EXOC6B: variants seen among roughly 807,000 people sequenced by gnomAD.
EXOC6B encodes the protein exocyst complex component 6B, also known as SEC15 homolog B.
EXOC6B carries 54 observed loss-of-function variants against 113.5 expected under a neutral mutation model. The ratio of observed to expected loss-of-function variants is 0.48; its 90% CI spans 0.38 to 0.60. The LOEUF (loss-of-function observed/expected upper bound fraction) is 0.60. EXOC6B is among the 20% of genes least tolerant of loss of function. EXOC6B has a pLI of 0.00. For missense variants in EXOC6B, 797 were observed against 977.5 expected (o/e 0.82, Z 2.46); for synonymous variants, 357 against 339.0 (o/e 1.05, Z -0.58).
chr2:72,798,447 T>C (rs1685097338), intron 1 of EXOC6B, among the ~76,000 whole-genome samples: 1 of 152,044 alleles, frequency 6.6e-6, no homozygotes, highest in African/African-American at 2.4e-5. Context: ...AATAGCACCA[T>C]GCGAGACATT....
At position 72,796,833 on chromosome 2, in the gene EXOC6B, C is replaced by A. The variant is rs973014937; in HGVS notation, c.113+28965G>T. Reference sequence around the variant, plus strand: ...CACTCATTTCCACTGCTAGAGGAGACAGCTAGCTCAATCTGCAACCAGAGG... The same window carrying A: ...CACTCATTTCCACTGCTAGAGGAGAAAGCTAGCTCAATCTGCAACCAGAGG... On this transcript the variant is annotated intron_variant, in intron 1 of 21. Transcript: ENST00000272427. Among the ~76,000 whole-genome samples the A allele has an allele frequency of 3.5e-4, 53 of 152,208 alleles. 1 individual carries two copies. Among genetic ancestry groups the A allele is most frequent in the African/African-American group, 1.2e-3 (51 of 41,448 alleles).
chr2:72,746,815 C>T (rs1681727562), intron 1 of EXOC6B, among the ~76,000 whole-genome samples: 1 of 151,984 alleles, frequency 6.6e-6, no homozygotes, highest in Non-Finnish European at 1.5e-5. Flanking sequence ...CTCTCTACTG[C>T]ATCAGTCTAT....
intron 6 of EXOC6B, among the ~76,000 whole-genome samples, chr2:72,715,770 T>G (rs1679573582): frequency 6.6e-6 from 1 of 152,172 alleles, no homozygotes; most frequent in Non-Finnish European, 1.5e-5. Context: ...GAGACACCAG[T>G]GCAGATAACT....
At chr2:72,501,139 T>C (rs901923920) in intron 11 of EXOC6B, among the ~76,000 whole-genome samples, 1 of 152,198 alleles carries the variant, frequency 6.6e-6, no homozygotes, top group African/African-American at 2.4e-5. Flanking sequence ...TTTAATGCTT[T>C]GTCATTTCCT....
chr2:72,514,699 G>T lies in EXOC6B; in HGVS notation c.1000-19C>A. The T allele has an allele frequency of 1.4e-6, 2 of 1,469,960 alleles. No individual in the cohort carries two copies. The highest frequency in any genetic ancestry group is 1.3e-5 in the South Asian group (1 of 76,968). 91.1% of individuals were successfully genotyped at this position (1,469,960 alleles called of 1,614,324 possible). ...TTTCATGCTGCAACAAAGCAAAGAA[G>T]AAAAAGTTATTGTTTCTGTTTTGTT... On this transcript the variant is annotated intron_variant, in intron 9 of 21. Transcript: ENST00000272427.
chr2:72,466,356 AAAAAG>A (rs1234787079), intron 17 of EXOC6B, among the ~76,000 whole-genome samples: 10 of 151,436 alleles, frequency 6.6e-5, no homozygotes, highest in Admixed American at 1.3e-4. Flanking sequence ...AAAAAAAAAA[AAAAAG>A]AAAAGAAAAG....
At chr2:72,353,519 C>T (rs1027177581) in intron 19 of EXOC6B, among the ~76,000 whole-genome samples, 1 of 151,876 alleles carries the variant, frequency 6.6e-6, no homozygotes, top group African/African-American at 2.4e-5. Flanking sequence ...TTACAGGCAC[C>T]TGCCACCATG....
At chr2:72,318,518 C>T (rs1041081319) in intron 20 of EXOC6B, among the ~76,000 whole-genome samples, 2 of 151,972 alleles carry the variant, frequency 1.3e-5, no homozygotes, top group African/African-American at 4.8e-5. Flanking sequence ...CTCAGGCTCT[C>T]GAGTAGCTGG....
chr2:72,712,235 T>A (rs1431970214), intron 6 of EXOC6B, among the ~76,000 whole-genome samples: 1 of 152,202 alleles, frequency 6.6e-6, no homozygotes, highest in Non-Finnish European at 1.5e-5. Flanking sequence ...GTAATTCTAT[T>A]TGAGGCCAAA....
intron 1 of EXOC6B, among the ~76,000 whole-genome samples, chr2:72,792,785 C>T (rs1324697367): frequency 6.6e-6 from 1 of 152,168 alleles, no homozygotes; most frequent in African/African-American, 2.4e-5. Flanking sequence ...TCTCTCCAAT[C>T]ACTATCTTGT....
chr2:72,810,885 C>T (rs1685874810), intron 1 of EXOC6B, among the ~76,000 whole-genome samples: 2 of 151,888 alleles, frequency 1.3e-5, no homozygotes, highest in South Asian at 4.2e-4. Context: ...AAAGCCCTGA[C>T]AAAAAGTACA....
intron 12 of EXOC6B, among the ~76,000 whole-genome samples, chr2:72,499,173 T>C (rs1246311168): frequency 6.6e-6 from 1 of 151,232 alleles, no homozygotes; most frequent in East Asian, 1.9e-4. Context: ...ACCTAGTTCC[T>C]AGGAAAATAA....
intron 6 of EXOC6B, among the ~76,000 whole-genome samples, chr2:72,678,494 G>C (rs1054303289): frequency 1.3e-5 from 2 of 152,164 alleles, no homozygotes; most frequent in African/African-American, 4.8e-5. Context: ...ATCACTTGAG[G>C]CCAGGAGTTG....
chr2:72,679,651 G>GAA (rs1299725820), intron 6 of EXOC6B, among the ~76,000 whole-genome samples: 2 of 152,116 alleles, frequency 1.3e-5, no homozygotes, highest in Non-Finnish European at 2.9e-5. Flanking sequence ...GGAGGTAACA[G>GAA]AAAAAGCAAA....
chr2:72,799,688 G>A (rs956981714), intron 1 of EXOC6B, among the ~76,000 whole-genome samples: 2 of 152,134 alleles, frequency 1.3e-5, no homozygotes, highest in Non-Finnish European at 2.9e-5. Context: ...CCTTTTTGAA[G>A]AAATAGGAAA....
rs144371530 is a variant in EXOC6B, at chr2:72,179,229, A to G, written c.*106T>C. 17,780 of 1,291,170 alleles carry G rather than the reference A, an allele frequency of 0.014. 175 individuals carry two copies. The highest frequency in any genetic ancestry group is 0.017 in the Non-Finnish European group (16,212 of 956,224). The allele number at this position is 1,291,170 out of a possible 1,614,324, so 80.0% of individuals were successfully genotyped here. A position where few individuals can be genotyped will look rare whatever the true frequency, so the allele number is the denominator to read the frequency against. On this transcript the variant is annotated 3_prime_UTR_variant, in exon 22 of 22. Transcript: ENST00000272427. ...CACAGGGGTTAATAAAAAAATACAT[A>G]TGCTCTCTTTGAAGAAGAATGCACA...
intron 20 of EXOC6B, among the ~76,000 whole-genome samples, chr2:72,294,038 C>T (rs1685970234): frequency 7.4e-6 from 1 of 136,038 alleles, no homozygotes; most frequent in East Asian, 2.2e-4. Flanking sequence ...AAGAAGTCCA[C>T]AATAAAAGTA....
At chr2:72,609,694 G>A (rs899792684) in intron 6 of EXOC6B, among the ~76,000 whole-genome samples, 1 of 151,974 alleles carries the variant, frequency 6.6e-6, no homozygotes, top group Non-Finnish European at 1.5e-5. Context: ...AAAAATATTT[G>A]AGGAGATACT....
At chr2:72,421,728 C>T (rs1217183324) in intron 18 of EXOC6B, among the ~76,000 whole-genome samples, 1 of 152,258 alleles carries the variant, frequency 6.6e-6, no homozygotes, top group African/African-American at 2.4e-5. Context: ...ACTTTGGCGG[C>T]ACTTGAGGAG....
Sources: gnomAD v4.1 joint callset for allele counts (sites outside exome capture counted in the v4.1 genomes callset) on GRCh38, gnomAD v4.1.1 for gene constraint, MANE v1.5 for transcripts, NCBI Gene and HGNC (gene_info 2026-07-23, HGNC 2026-07-21) for gene names.